Variants in SHANK2 observed in about 807,000 individuals in gnomAD.
SHANK2 encodes SH3 and multiple ankyrin repeat domains 2, also known as SH3 and multiple ankyrin repeat domains protein 2.
SHANK2 carries 43 observed loss-of-function variants against 133.7 expected under a neutral mutation model. The ratio of observed to expected loss-of-function variants is 0.32; its 90% CI spans 0.25 to 0.41. SHANK2 has a LOEUF of 0.41. Among genes scored for constraint, SHANK2 ranks in the 10% least tolerant of loss-of-function variants. SHANK2 has a pLI of 1.00. For missense variants in SHANK2, 1,994 were observed against 2,235.8 expected, an observed-to-expected ratio of 0.89 and a Z score of 2.18; for synonymous variants, 1,017 against 952.8, an observed-to-expected ratio of 1.07 and a Z score of -1.24.
intron 17 of SHANK2, among the ~76,000 whole-genome samples, chr11:70,651,935 C>T (rs927493051): frequency 6.6e-6 from 1 of 152,164 alleles, no homozygotes; most frequent in African/African-American, 2.4e-5. Context: ...TCAGGTCCAC[C>T]AGCAGGACAT....
intron 11 of SHANK2, among the ~76,000 whole-genome samples, chr11:70,836,507 C>T (rs1948819887): frequency 6.6e-6 from 1 of 152,212 alleles, no homozygotes; most frequent in South Asian, 2.1e-4. Context: ...CCACCCAAGG[C>T]CTGGACCTCT....
intron 17 of SHANK2, among the ~76,000 whole-genome samples, chr11:70,639,045 A>G: frequency 6.6e-6 from 1 of 152,088 alleles, no homozygotes; most frequent in South Asian, 2.1e-4. Context: ...TTGAGAGTCC[A>G]TGGCTCACAC....
At chr11:70,685,611 G>A (rs61886409) in intron 15 of SHANK2, among the ~76,000 whole-genome samples, 7,690 of 152,236 alleles carry the variant, frequency 0.051, 284 homozygotes, top group Middle Eastern at 0.11. Context: ...GACTTGGATG[G>A]GCTGCATCTC....
chr11:70,930,984 G>A lies in SHANK2; in HGVS notation c.1108-34417C>T, dbSNP rs375666232. Among the ~76,000 whole-genome samples the A allele has an allele frequency of 7.2e-5, 11 of 152,128 alleles. No individual in the cohort carries two copies. In the South Asian group the frequency reaches 2.3e-3, roughly 32 times the overall value. The stretch of plus-strand genomic sequence containing the variant: ...GCCCACCCACAAATGCATTTTCTGG[G>A]TACGGCTACAGAAGCCATCAATGGA... On this transcript the variant is annotated intron_variant, in intron 10 of 25. Transcript: ENST00000601538.
chr11:71,219,897 CA>C (rs1954500688), intron 2 of SHANK2, among the ~76,000 whole-genome samples: 2 of 151,722 alleles, frequency 1.3e-5, no homozygotes, highest in South Asian at 2.1e-4. Context: ...GACTCCATCT[CA>C]AAAAATAATT....
intron 11 of SHANK2, among the ~76,000 whole-genome samples, chr11:70,851,289 G>C (rs1555065383): frequency 2.6e-5 from 4 of 152,190 alleles, no homozygotes; most frequent in Admixed American, 2.0e-4. Flanking sequence ...CTGTTCTCCT[G>C]TCTTCCTCTG....
chr11:70,792,356 T>A (rs1454644662), intron 14 of SHANK2, among the ~76,000 whole-genome samples: 1 of 107,892 alleles, frequency 9.3e-6, no homozygotes, highest in African/African-American at 3.7e-5. Context: ...GCAAGCCAGC[T>A]AGCTAATTAA....
chr11:71,231,924 A>C (rs565762173), intron 1 of SHANK2, among the ~76,000 whole-genome samples: 17 of 152,232 alleles, frequency 1.1e-4, no homozygotes, highest in Admixed American at 3.9e-4. Flanking sequence ...CTATACACTA[A>C]TGTTTATAGC....
intron 3 of SHANK2, among the ~76,000 whole-genome samples, chr11:71,139,318 C>A (rs1330600067): frequency 1.4e-5 from 2 of 141,412 alleles, no homozygotes; most frequent in Admixed American, 1.5e-4. Context: ...TTCTTCTCTG[C>A]TCTCCTTGCA....
chr11:70,492,656 C>G (rs1373496718), intron 21 of SHANK2, among the ~76,000 whole-genome samples, 191 bp from the exon 22 acceptor site: 17 of 152,212 alleles, frequency 1.1e-4, no homozygotes, highest in African/African-American at 4.1e-4. Flanking sequence ...CTTCCCAGGA[C>G]CTTGCCCTCG....
At chr11:70,501,232 G>A (rs1247291710) in intron 20 of SHANK2, among the ~76,000 whole-genome samples, 2 of 152,254 alleles carry the variant, frequency 1.3e-5, no homozygotes, top group East Asian at 1.9e-4. Flanking sequence ...CCAGAACCTC[G>A]TGAGAAGCGG....
At chr11:71,087,914 C>A (rs1951440314) in intron 8 of SHANK2, among the ~76,000 whole-genome samples, 1 of 152,158 alleles carries the variant, frequency 6.6e-6, no homozygotes, top group Non-Finnish European at 1.5e-5. Flanking sequence ...CAGGCGTGAG[C>A]CACCGCACCT....
At chr11:71,178,500 G>A (rs1200502946) in intron 2 of SHANK2, among the ~76,000 whole-genome samples, 3 of 152,220 alleles carry the variant, frequency 2.0e-5, no homozygotes, top group African/African-American at 7.2e-5. Context: ...TTTGGGTATA[G>A]ACAGAGTGGT....
Position 70,821,765 on chromosome 11 carries a change from G to T in SHANK2, c.1175-1083C>A, listed in dbSNP as rs568149165. 2.6e-5 allele frequency among the ~76,000 whole-genome samples: 4 copies of T among 152,274 alleles called. No individual in the cohort carries two copies. The East Asian group carries it at 5.8e-4, about 22-fold the overall frequency. ...CCACCTGTCTGTGGCGCTCTGCCAC[G>T]CCTGAGCCAACCATACAGTCTCCGA... On this transcript the variant is annotated intron_variant, in intron 11 of 25. Transcript: ENST00000601538.
chr11:70,661,834 G>C, intron 15 of SHANK2, 156 bp from the exon 16 acceptor site: 1 of 1,606,096 alleles, frequency 6.2e-7, no homozygotes, highest in East Asian at 2.2e-5. Context: ...CGAGGGTGCA[G>C]GAGGAGCGAA....
chr11:71,142,022 G>C (rs1478610917), intron 3 of SHANK2, among the ~76,000 whole-genome samples: 1 of 152,076 alleles, frequency 6.6e-6, no homozygotes, highest in Non-Finnish European at 1.5e-5. Context: ...GAGAATGCTT[G>C]ATGCCAGGGA....
chr11:70,827,636 GTGT>G (rs1322257927), intron 11 of SHANK2, among the ~76,000 whole-genome samples: 14 of 134,782 alleles, frequency 1.0e-4, no homozygotes, highest in African/African-American at 4.0e-4. Flanking sequence ...GTGTGTGTGT[GTGT>G]TTTTTTTTTT....
At chr11:70,686,702 T>G (rs1209663169) in intron 15 of SHANK2, among the ~76,000 whole-genome samples, 1 of 152,130 alleles carries the variant, frequency 6.6e-6, no homozygotes, top group African/African-American at 2.4e-5. Context: ...CAGGTAATGT[T>G]GAGTCAGGGA....
intron 11 of SHANK2, among the ~76,000 whole-genome samples, chr11:70,890,510 A>C: frequency 6.6e-6 from 1 of 151,646 alleles, no homozygotes; most frequent in Non-Finnish European, 1.5e-5. Flanking sequence ...AAAAAACAAA[A>C]AAACAGAGGC....
Sources: allele counts gnomAD v4.1 joint callset (sites outside exome capture counted in the v4.1 genomes callset), GRCh38; gene constraint gnomAD v4.1.1; transcripts MANE v1.5; gene names NCBI Gene and HGNC (gene_info 2026-07-23, HGNC 2026-07-21).